PIGU: variants seen among roughly 807,000 people sequenced by gnomAD.
PIGU encodes the protein phosphatidylinositol glycan anchor biosynthesis class U, also known as GPI-anchor transamidase component PIGU.
PIGU carries 24 observed loss-of-function variants against 49.9 expected under a neutral mutation model. The observed-to-expected ratio is 0.48, with a 90% CI of 0.35 to 0.68. The LOEUF is 0.68. PIGU is among the 30% of genes least tolerant of loss of function. The probability of loss-of-function intolerance (pLI) is 0.01; values close to 1 mark genes in which losing one functional copy is unlikely to be tolerated. For synonymous variants in PIGU, 220 were observed against 205.7 expected (o/e 1.07, Z -0.59); for missense variants, 490 against 532.6 (o/e 0.92, Z 0.79).
In PIGU at chr20:34,611,354, G is replaced by GA. The variant is rs199696278; in HGVS notation, c.627+4687dup. On this transcript the variant is annotated intron_variant, in intron 7 of 11. Coordinates refer to ENST00000217446, the MANE Select transcript of PIGU (RefSeq NM_080476.5). ...ATCTACAAGGAACTTAAATTTACAA[G>GA]AAAAAAAACAGGCCAGGTGCGGTGG... 1.6e-4 allele frequency among the ~76,000 whole-genome samples: 25 copies of GA among 151,640 alleles called. No individual in the cohort carries two copies. In the East Asian group the frequency reaches 2.3e-3, roughly 14 times the overall value.
At chr20:34,573,137 C>A (rs1294645776) in intron 11 of PIGU, among the ~76,000 whole-genome samples, 1 of 152,126 alleles carries the variant, frequency 6.6e-6, no homozygotes, top group Non-Finnish European at 1.5e-5. Context: ...ATGCATGAGC[C>A]ACCACACTCA....
At chr20:34,613,728 A>T (rs2146738611) in intron 7 of PIGU, among the ~76,000 whole-genome samples, 1 of 152,362 alleles carries the variant, frequency 6.6e-6, no homozygotes, top group Non-Finnish European at 1.5e-5. Context: ...ATGTGGAAAA[A>T]TGCTTCAACT....
chr20:34,665,371 T>C (rs557631353), intron 1 of PIGU, among the ~76,000 whole-genome samples: 24 of 150,216 alleles, frequency 1.6e-4, no homozygotes, highest in Non-Finnish European at 3.3e-4. Context: ...GCCCGGCTAA[T>C]TTTTTGTATT....
At chr20:34,618,387 C>A (rs6088543) in intron 6 of PIGU, among the ~76,000 whole-genome samples, 9 of 151,956 alleles carry the variant, frequency 5.9e-5, no homozygotes, top group African/African-American at 2.2e-4. Flanking sequence ...TAGGATGCAA[C>A]TGATGGTCCA....
Position 34,560,983 on chromosome 20 carries a change from G to A in PIGU, c.1195-4C>T, listed in dbSNP as rs1184733215. On this transcript the variant is annotated splice_region_variant and splice_polypyrimidine_tract_variant and intron_variant, in intron 11 of 11. Coordinates refer to ENST00000217446, the MANE Select transcript of PIGU (RefSeq NM_080476.5). ...AGTAATCAGAGATGAGCAGGATCTG[G>A]GGGGAGAGAGAGGGTGTGAGGCGCT... 2 of 1,590,996 alleles carry A rather than the reference G, an allele frequency of 1.3e-6. No homozygotes were observed. Among genetic ancestry groups the A allele is most frequent in the Non-Finnish European group, 1.7e-6 (2 of 1,160,252 alleles).
chr20:34,643,618 C>T (rs1986237066), intron 4 of PIGU: 1 of 152,292 alleles, frequency 6.6e-6, no homozygotes, highest in Non-Finnish European at 1.5e-5. Flanking sequence ...AATGGTCCCA[C>T]TATGCAATTC....
intron 4 of PIGU, among the ~76,000 whole-genome samples, chr20:34,641,729 T>C (rs930723460): frequency 2.6e-5 from 4 of 152,080 alleles, no homozygotes; most frequent in Non-Finnish European, 5.9e-5. Flanking sequence ...GACTATGCGA[T>C]ATGAACCCTT....
chr20:34,598,789 G>A (rs953753326), intron 7 of PIGU, among the ~76,000 whole-genome samples: 3 of 152,170 alleles, frequency 2.0e-5, no homozygotes, highest in African/African-American at 4.8e-5. Flanking sequence ...CGCCTCAGGC[G>A]CCATCTCCAA....
chr20:34,603,894 C>A (rs2146729533), intron 7 of PIGU, among the ~76,000 whole-genome samples: 1 of 79,310 alleles, frequency 1.3e-5, no homozygotes, highest in South Asian at 3.1e-4. Context: ...ACACACCACA[C>A]CCCTACAGGG....
rs1986306518 is a variant in PIGU at position 34,645,334 on chromosome 20, T to C, written c.196A>G (p.Thr66Ala). 2 of 1,560,236 alleles carry C rather than the reference T, an allele frequency of 1.3e-6. No homozygotes were observed. The highest frequency in any genetic ancestry group is 1.2e-5 in the South Asian group (1 of 81,300). ...TGAAAGAGGTATATTATTAATGGAG[T>C]CTGCAGAAAAAAAACAGACATGTAA... ...SPYSGAVFHE[T>A]PLIIYLFHFL... The change falls in exon 3 of 12, where the codon ACT (threonine) becomes GCT (alanine). Residue 66 changes from threonine to alanine, a missense_variant and splice_region_variant. Coordinates refer to ENST00000217446, the MANE Select transcript of PIGU (RefSeq NM_080476.5).
intron 1 of PIGU, among the ~76,000 whole-genome samples, chr20:34,668,906 G>C: frequency 9.8e-6 from 1 of 102,094 alleles, no homozygotes; most frequent in Non-Finnish European, 1.8e-5. Flanking sequence ...TTTTTACACA[G>C]GGTCTTGCTC....
chr20:34,566,444 T>C (rs1982771958), intron 11 of PIGU, among the ~76,000 whole-genome samples: 1 of 152,140 alleles, frequency 6.6e-6, no homozygotes. Context: ...TCTGGGACCA[T>C]GATGAAGAGC....
intron 7 of PIGU, 49 bp from the exon 8 acceptor site, chr20:34,588,656 GGCA>G (rs1158391810): frequency 4.5e-6 from 7 of 1,551,496 alleles, no homozygotes; most frequent in Non-Finnish European, 6.2e-6. Context: ...AACAACAGAG[GGCA>G]GCTATTAGCT....
intron 8 of PIGU, 87 bp from the exon 9 acceptor site, chr20:34,585,667 C>T: frequency 6.8e-7 from 1 of 1,468,422 alleles, no homozygotes; most frequent in South Asian, 1.3e-5. Context: ...AGACTTTGGT[C>T]ACTGCTGGGC....
At position 34,585,431 on chromosome 20, in the gene PIGU, A is replaced by G. The variant is rs773344882; in HGVS notation, c.926+6T>C. On this transcript the variant is annotated splice_donor_region_variant and intron_variant, in intron 9 of 11. Transcript: ENST00000217446. Reference sequence around the variant, plus strand: ...ACACACAGCAGCAGCAGGTCCAGCCACTTACTTTAGCTTTATGGCTAAGGG... The same window carrying G: ...ACACACAGCAGCAGCAGGTCCAGCCGCTTACTTTAGCTTTATGGCTAAGGG... 6.2e-7 allele frequency: 1 copy of G among 1,614,034 alleles called. No individual in the cohort carries two copies. Among genetic ancestry groups the G allele is most frequent in the Admixed American group, 1.7e-5 (1 of 60,016 alleles).
At chr20:34,607,483 G>A (rs556167755) in intron 7 of PIGU, among the ~76,000 whole-genome samples, 37 of 152,202 alleles carry the variant, frequency 2.4e-4, no homozygotes, top group African/African-American at 7.0e-4. Flanking sequence ...AGGAATGACC[G>A]AACTGAGGGG....
At chr20:34,640,668 T>C (rs1373901721) in intron 4 of PIGU, among the ~76,000 whole-genome samples, 3 of 152,186 alleles carry the variant, frequency 2.0e-5, no homozygotes, top group Non-Finnish European at 2.9e-5. Flanking sequence ...TTAAAAGTGA[T>C]GTGAAGGGTA....
At chr20:34,593,223 G>C (rs1336616080) in intron 7 of PIGU, among the ~76,000 whole-genome samples, 1 of 152,002 alleles carries the variant, frequency 6.6e-6, no homozygotes, top group African/African-American at 2.4e-5. Context: ...TGTAGTCCCA[G>C]CTACTCCAGA....
At chr20:34,676,658 C>T (rs1407250236) in intron 1 of PIGU, among the ~76,000 whole-genome samples, 1 of 152,220 alleles carries the variant, frequency 6.6e-6, no homozygotes, top group African/African-American at 2.4e-5. Flanking sequence ...CAACCCTTCC[C>T]ACAGACCACA....
Sources: gnomAD v4.1 joint callset for allele counts (sites outside exome capture counted in the v4.1 genomes callset) on GRCh38, gnomAD v4.1.1 for gene constraint, MANE v1.5 for transcripts, NCBI Gene and HGNC (gene_info 2026-07-23, HGNC 2026-07-21) for gene names.